IL17B: variants seen among roughly 807,000 people sequenced by gnomAD.
IL17B encodes the protein interleukin-17B.
In IL17B, 14 loss-of-function variants were observed where a neutral mutation model predicts 14.7. That is an observed-to-expected ratio of 0.95 (90% CI 0.63 to 1.49). The LOEUF (loss-of-function observed/expected upper bound fraction) is 1.49, where lower values mean the gene tolerates loss of function less well. IL17B is among the 40% of genes most tolerant of loss of function. IL17B has a pLI of 0.00. For missense variants in IL17B, 233 were observed against 252.8 expected (o/e 0.92, Z 0.53); for synonymous variants, 105 against 94.8 (o/e 1.11, Z -0.62).
rs538422008 is a variant in IL17B, at chr5:149,394,045, T to C, written n.95+10063A>G. 3.3e-5 allele frequency among the ~76,000 whole-genome samples: 5 copies of C among 152,104 alleles called. No individual in the cohort carries two copies. The South Asian group carries it at 1.0e-3, about 32-fold the overall frequency. On this transcript the variant is annotated intron_variant and non_coding_transcript_variant, in intron 1 of 2. Transcript: ENST00000505432. ...CATTTATTTATAGATTTAAAGGGAGTTTAATTGAGAGACATATCAAAACAT... is the reference window on the plus strand; with the variant it reads ...CATTTATTTATAGATTTAAAGGGAGCTTAATTGAGAGACATATCAAAACAT...
At chr5:149,378,138 C>CG (rs1467409153) in intron 1 of IL17B, among the ~76,000 whole-genome samples, 1 of 151,904 alleles carries the variant, frequency 6.6e-6, no homozygotes, top group Admixed American at 6.6e-5. Flanking sequence ...AGCGAGACTC[C>CG]TCTCAAAAAA....
At chr5:149,381,488 G>A (rs776243205), upstream of IL17B, among the ~76,000 whole-genome samples, 10 of 152,234 alleles carry the variant, frequency 6.6e-5, no homozygotes, top group Non-Finnish European at 1.0e-4. Flanking sequence ...GCAGAACTCC[G>A]TCTCCTAAGT....
At chr5:149,395,583 C>A (rs1021632472) in intron 1 of IL17B, among the ~76,000 whole-genome samples, 3 of 152,186 alleles carry the variant, frequency 2.0e-5, no homozygotes, top group Non-Finnish European at 2.9e-5. Flanking sequence ...CAGGCAAATG[C>A]GACTTTAATT....
upstream of IL17B, among the ~76,000 whole-genome samples, chr5:149,380,099 A>T (rs1440217689): frequency 6.6e-6 from 1 of 152,154 alleles, no homozygotes; most frequent in East Asian, 1.9e-4. Context: ...GTGTGGCTGC[A>T]TGTGAGCTTT....
At chr5:149,380,763 G>T (rs570903230), upstream of IL17B, among the ~76,000 whole-genome samples, 1 of 152,354 alleles carries the variant, frequency 6.6e-6, no homozygotes, top group Non-Finnish European at 1.5e-5. Flanking sequence ...GGAATCGTCC[G>T]AGGGGAAGAA....
chr5:149,394,629 A>G (rs1429996450), intron 1 of IL17B, among the ~76,000 whole-genome samples: 1 of 152,252 alleles, frequency 6.6e-6, no homozygotes, highest in African/African-American at 2.4e-5. Context: ...ACTGTATTAC[A>G]GGGATAGATT....
At chr5:149,378,313 C>A (rs1045132395) in intron 1 of IL17B, among the ~76,000 whole-genome samples, 1 of 152,116 alleles carries the variant, frequency 6.6e-6, no homozygotes, top group Non-Finnish European at 1.5e-5. Context: ...AGCCATCCCC[C>A]AAGCCCTCCT....
chr5:149,378,535 T>C (rs867945728), intron 1 of IL17B, among the ~76,000 whole-genome samples: 1 of 152,212 alleles, frequency 6.6e-6, no homozygotes, highest in South Asian at 2.1e-4. Context: ...AGGCTCCATA[T>C]GTTCCCTGTA....
At chr5:149,378,686 A>G (rs1221541523) in intron 1 of IL17B, among the ~76,000 whole-genome samples, 1 of 152,234 alleles carries the variant, frequency 6.6e-6, no homozygotes, top group East Asian at 1.9e-4. Flanking sequence ...TGCAACAGAG[A>G]TTCAAGTGCT....
At chr5:149,402,994 C>G (rs1284618804) in intron 1 of IL17B, among the ~76,000 whole-genome samples, 1 of 105,118 alleles carries the variant, frequency 9.5e-6, no homozygotes, top group East Asian at 2.4e-4. Context: ...CACAGTGAGA[C>G]TCCATCTCAA....
intron 1 of IL17B, among the ~76,000 whole-genome samples, chr5:149,396,021 T>C (rs1759086705): frequency 6.6e-6 from 1 of 152,216 alleles, no homozygotes; most frequent in African/African-American, 2.4e-5. Flanking sequence ...AAACTGAAGT[T>C]GTCGTTGTTG....
At chr5:149,384,096 A>G (rs987678465), upstream of IL17B, among the ~76,000 whole-genome samples, 6 of 152,192 alleles carry the variant, frequency 3.9e-5, no homozygotes, top group Non-Finnish European at 7.4e-5. Context: ...CTCTCTAGGA[A>G]TATCATTTCT....
intron 1 of IL17B, among the ~76,000 whole-genome samples, chr5:149,386,770 A>G (rs1428756040): frequency 6.6e-6 from 1 of 152,152 alleles, no homozygotes; most frequent in Non-Finnish European, 1.5e-5. Flanking sequence ...CGGTGGTGCA[A>G]TCTTGGCTCA....
chr5:149,403,182 T>C (rs1759249820), intron 1 of IL17B, among the ~76,000 whole-genome samples: 1 of 151,968 alleles, frequency 6.6e-6, no homozygotes, highest in Non-Finnish European at 1.5e-5. Context: ...CCTCCCAGGC[T>C]CAAGTGATCC....
intron 1 of IL17B, among the ~76,000 whole-genome samples, 157 bp from the exon 2 acceptor site, chr5:149,377,182 C>A (rs189775651): frequency 6.6e-6 from 1 of 152,164 alleles, no homozygotes; most frequent in Non-Finnish European, 1.5e-5. Context: ...CAGATTACCC[C>A]CTGTTTCCTC....
chr5:149,396,336 C>A (rs1170654449), intron 1 of IL17B, among the ~76,000 whole-genome samples: 2 of 152,104 alleles, frequency 1.3e-5, no homozygotes, highest in Non-Finnish European at 2.9e-5. Flanking sequence ...TATAGTTGAT[C>A]TTTTTTAAAA....
chr5:149,376,637 C>T, intron 2 of IL17B, 99 bp downstream of exon 2: 1 of 1,472,618 alleles, frequency 6.8e-7, no homozygotes, highest in Non-Finnish European at 9.1e-7. Flanking sequence ...AACCCAAGCA[C>T]CCAGACCTCT....
rs1276909224 is a variant in IL17B, at chr5:149,392,436, A to G, written n.95+11672T>C. Among the ~76,000 whole-genome samples, 4 of 152,254 alleles carry G rather than the reference A, an allele frequency of 2.6e-5. No homozygotes were observed. The East Asian group carries it at 7.7e-4, about 29-fold the overall frequency. ...CCGCTGTAGAATGATACACTCCAAT[A>G]GCCAATAGCTGTTATTAAGTAAATG... On this transcript the variant is annotated intron_variant and non_coding_transcript_variant, in intron 1 of 2. Coordinates refer to the IL17B transcript ENST00000505432.
chr5:149,378,662 G>A (rs1238440642), intron 1 of IL17B, among the ~76,000 whole-genome samples: 1 of 152,236 alleles, frequency 6.6e-6, no homozygotes, highest in Non-Finnish European at 1.5e-5. Flanking sequence ...AGAGGTATTT[G>A]CTGGCACAAA....
Sources: gnomAD v4.1 joint callset for allele counts (sites outside exome capture counted in the v4.1 genomes callset) on GRCh38, gnomAD v4.1.1 for gene constraint, MANE v1.5 for transcripts, NCBI Gene and HGNC (gene_info 2026-07-23, HGNC 2026-07-21) for gene names.